Variants in REEP1 observed in about 807,000 individuals in gnomAD.
The protein encoded by REEP1 is receptor expression-enhancing protein 1.
Under a neutral mutation model 40.3 loss-of-function variants are expected in REEP1, and 22 were observed. The ratio of observed to expected loss-of-function variants is 0.55; its 90% confidence interval spans 0.39 to 0.78. The LOEUF is 0.78. Ranked by LOEUF, REEP1 falls within the 30% of genes least tolerant of loss-of-function variation. The probability of loss-of-function intolerance (pLI) is 0.00; values close to 1 mark genes in which losing one functional copy is unlikely to be tolerated. For missense variants in REEP1, 280 were observed against 361.1 expected, an observed-to-expected ratio of 0.78 and a Z score of 1.82; for synonymous variants, 116 against 139.2, an observed-to-expected ratio of 0.83 and a Z score of 1.17.
At chr2:86,289,706 C>A (rs574453030) in intron 1 of REEP1, among the ~76,000 whole-genome samples, 1 of 152,070 alleles carries the variant, frequency 6.6e-6, no homozygotes, top group Non-Finnish European at 1.5e-5. Flanking sequence ...TCTTTAATGT[C>A]TTTTTATTAT....
At chr2:86,288,145 C>A (rs1678505911) in intron 1 of REEP1, among the ~76,000 whole-genome samples, 1 of 152,034 alleles carries the variant, frequency 6.6e-6, no homozygotes, top group South Asian at 2.1e-4. Flanking sequence ...TCCTCAACCT[C>A]CTGAGTAGCT....
intron 2 of REEP1, among the ~76,000 whole-genome samples, chr2:86,267,518 TAA>T (rs1226298136): frequency 1.3e-5 from 2 of 151,880 alleles, no homozygotes; most frequent in African/African-American, 4.8e-5. Flanking sequence ...CTGTCTCCAC[TAA>T]AAAACTCAAA....
intron 1 of REEP1, among the ~76,000 whole-genome samples, chr2:86,301,300 G>A (rs1679247877): frequency 6.6e-6 from 1 of 152,230 alleles, no homozygotes; most frequent in African/African-American, 2.4e-5. Context: ...ATGGCAGCCA[G>A]CTTGCAAGGT....
intron 5 of REEP1, among the ~76,000 whole-genome samples, chr2:86,247,389 A>C (rs1422674976): frequency 2.6e-5 from 4 of 152,142 alleles, no homozygotes; most frequent in Admixed American, 2.6e-4. Context: ...TCCAGTTCTA[A>C]GACAAAACAG....
At chr2:86,298,399 CTG>C (rs1224302126) in intron 1 of REEP1, among the ~76,000 whole-genome samples, 1 of 152,246 alleles carries the variant, frequency 6.6e-6, no homozygotes, top group Non-Finnish European at 1.5e-5. Context: ...CTCCCTGGAT[CTG>C]TCTCTTCATT....
intron 1 of REEP1, among the ~76,000 whole-genome samples, chr2:86,315,375 C>T (rs181471717): frequency 6.6e-6 from 1 of 152,352 alleles, no homozygotes; most frequent in East Asian, 1.9e-4. Context: ...GGGTAACCTG[C>T]ACAGCCTGCC....
chr2:86,285,249 C>A (rs1202482641), intron 1 of REEP1, among the ~76,000 whole-genome samples: 1 of 152,158 alleles, frequency 6.6e-6, no homozygotes, highest in Admixed American at 6.5e-5. Flanking sequence ...CTTTCCCAAT[C>A]CCACAACTCT....
chr2:86,326,720 AAAT>A, intron 1 of REEP1, among the ~76,000 whole-genome samples: 1 of 152,216 alleles, frequency 6.6e-6, no homozygotes, highest in African/African-American at 2.4e-5. Flanking sequence ...CTCAAAAAAA[AAAT>A]AAAAAATAAA....
intron 7 of REEP1, among the ~76,000 whole-genome samples, chr2:86,226,457 C>CTT (rs1558870431): frequency 5.0e-5 from 2 of 39,870 alleles, no homozygotes; most frequent in Admixed American, 3.3e-4. Context: ...CCTGTTGTGG[C>CTT]TTTTTCTTTT....
Position 86,282,060 on chromosome 2 carries a change from C to A in REEP1, c.105+110G>T, listed in dbSNP as rs546632349. ...TCATGAGAACTGTGATGAAGGAACT[C>A]CTTTTCCCTGCTTCCAGTGCCCATA... On this transcript the variant is annotated intron_variant, in intron 2 of 8. Coordinates refer to ENST00000538924, the MANE Select transcript of REEP1 (RefSeq NM_001371279.1). 7 of 782,512 alleles carry A rather than the reference C, an allele frequency of 8.9e-6. No homozygotes were observed. In the East Asian group the frequency reaches 1.8e-4, roughly 20 times the overall value. The allele number at this position is 782,512 out of a possible 1,614,324, so 48.5% of individuals were successfully genotyped here.
At chr2:86,291,741 G>T (rs1161240197) in intron 1 of REEP1, among the ~76,000 whole-genome samples, 1 of 152,140 alleles carries the variant, frequency 6.6e-6, no homozygotes, top group Non-Finnish European at 1.5e-5. Context: ...CCACGTCCCT[G>T]GCCATTCCCC....
At chr2:86,271,631 T>C (rs1677456674) in intron 2 of REEP1, among the ~76,000 whole-genome samples, 1 of 152,344 alleles carries the variant, frequency 6.6e-6, no homozygotes, top group Non-Finnish European at 1.5e-5. Context: ...TACTTACAGA[T>C]CTTCTCTATC....
intron 1 of REEP1, among the ~76,000 whole-genome samples, chr2:86,299,127 T>G (rs1679145154): frequency 6.6e-6 from 1 of 152,232 alleles, no homozygotes; most frequent in South Asian, 2.1e-4. Flanking sequence ...GCTGCAGGTG[T>G]CCCACCAGCT....
chr2:86,282,573 AC>A (rs141021503), intron 1 of REEP1, among the ~76,000 whole-genome samples: 10,216 of 151,562 alleles, frequency 0.067, 528 homozygotes, highest in African/African-American at 0.13. Flanking sequence ...CCTGCTGCTA[AC>A]CCCCCTCTGA....
intron 1 of REEP1, among the ~76,000 whole-genome samples, chr2:86,322,022 A>T (rs1422827243): frequency 6.6e-6 from 1 of 152,238 alleles, no homozygotes; most frequent in Admixed American, 6.5e-5. Context: ...AACCAAAAAG[A>T]ATCTACAGGT....
chr2:86,232,919 T>A, intron 5 of REEP1, 117 bp from the exon 6 acceptor site: 1 of 1,028,880 alleles, frequency 9.7e-7, no homozygotes, highest in Non-Finnish European at 1.5e-6. Context: ...CTGGATCAAC[T>A]CTGAGGCGCA....
rs70956106 is a variant in REEP1, at chr2:86,229,598, CTTTTTTTTTTTT to C, written c.596-2212_596-2201del. On this transcript the variant is annotated intron_variant, in intron 6 of 8. Transcript: ENST00000538924. ...CCCAGGCCATCTTTCACCTGTCTTC[CTTTTTTTTTTTT>C]TTTTTTTTTTTTTTTAAAGATGGAG... 2.8e-3 allele frequency among the ~76,000 whole-genome samples: 324 copies of C among 114,430 alleles called. 1 individual carries two copies. Among genetic ancestry groups the C allele is most frequent in the Middle Eastern group, 6.0e-3 (1 of 168 alleles). The allele number at this position is 114,430 out of a possible 152,430, so 75.1% of individuals were successfully genotyped here.
chr2:86,318,400 C>CTTTTTTTTTT (rs775382572), intron 1 of REEP1, among the ~76,000 whole-genome samples: 3 of 52,904 alleles, frequency 5.7e-5, no homozygotes, highest in Admixed American at 2.6e-4. Flanking sequence ...CTTTTCTTTT[C>CTTTTTTTTTT]TTTTTTTTTT....
rs74800771 is a variant in REEP1, at chr2:86,325,050, T to C, written c.32+12429A>G. On this transcript the variant is annotated intron_variant, in intron 1 of 8. Transcript: ENST00000538924. ...TCTTTTCTATTGCCTCATTAATTAC[T>C]TTTTGCAAATCAAGGAGAGCCCAAA... Among the ~76,000 whole-genome samples the C allele has an allele frequency of 6.4e-3, 975 of 152,318 alleles. 9 individuals carry two copies. The highest frequency in any genetic ancestry group is 0.011 in the Non-Finnish European group (759 of 68,026).
Sources: gnomAD v4.1 joint callset for allele counts (sites outside exome capture counted in the v4.1 genomes callset) on GRCh38, gnomAD v4.1.1 for gene constraint, MANE v1.5 for transcripts, NCBI Gene and HGNC (gene_info 2026-07-23, HGNC 2026-07-21) for gene names.